Variants in SAMD4A observed in about 807,000 individuals in gnomAD.
The protein encoded by SAMD4A is protein Smaug homolog 1.
A neutral mutation model predicts 81.3 loss-of-function variants in SAMD4A; 33 were observed. That is an observed-to-expected ratio of 0.41 (90% CI 0.31 to 0.54). The LOEUF (loss-of-function observed/expected upper bound fraction) is 0.54. Ranked by LOEUF, SAMD4A falls within the 20% of genes least tolerant of loss-of-function variation. The pLI is 0.37. For missense variants in SAMD4A, 854 were observed against 951.1 expected (o/e 0.90, Z 1.34); for synonymous variants, 389 against 382.1 (o/e 1.02, Z -0.21).
intron 3 of SAMD4A, among the ~76,000 whole-genome samples, chr14:54,712,504 C>T (rs758777127): frequency 1.3e-5 from 2 of 152,178 alleles, no homozygotes; most frequent in Non-Finnish European, 1.5e-5. Context: ...CTAATACATA[C>T]TACATTGTAA....
chr14:54,697,992 G>A (rs2036618071), intron 2 of SAMD4A, among the ~76,000 whole-genome samples: 1 of 152,140 alleles, frequency 6.6e-6, no homozygotes, highest in African/African-American at 2.4e-5. Flanking sequence ...AGCAAGGGGA[G>A]GCCATAATGC....
intron 2 of SAMD4A, among the ~76,000 whole-genome samples, chr14:54,668,392 T>G (rs1276959023): frequency 1.3e-5 from 2 of 152,184 alleles, no homozygotes; most frequent in Non-Finnish European, 2.9e-5. Flanking sequence ...TCAGATGGCA[T>G]GATATGTGAG....
At chr14:54,711,474 G>C (rs779374438) in intron 3 of SAMD4A, among the ~76,000 whole-genome samples, 1 of 152,180 alleles carries the variant, frequency 6.6e-6, no homozygotes, top group Non-Finnish European at 1.5e-5. Flanking sequence ...TTAATGTCAA[G>C]CTTCTGATTT....
intron 12 of SAMD4A, among the ~76,000 whole-genome samples, chr14:54,786,639 A>C (rs1037706306): frequency 6.6e-6 from 1 of 152,178 alleles, no homozygotes; most frequent in Non-Finnish European, 1.5e-5. Flanking sequence ...TTTTGACCAA[A>C]GAAAAAGGAG....
intron 2 of SAMD4A, among the ~76,000 whole-genome samples, chr14:54,637,758 C>T (rs1424487165): frequency 6.6e-6 from 1 of 152,206 alleles, no homozygotes; most frequent in Non-Finnish European, 1.5e-5. Flanking sequence ...CAGTGATGTA[C>T]CTCTGACCCT....
At chr14:54,663,949 T>C (rs998433800) in intron 2 of SAMD4A, among the ~76,000 whole-genome samples, 5 of 152,246 alleles carry the variant, frequency 3.3e-5, no homozygotes, top group Non-Finnish European at 7.3e-5. Flanking sequence ...GTTGTACTTA[T>C]TCTAAGACAT....
At position 54,670,896 on chromosome 14, in the gene SAMD4A, G is replaced by A. The variant is rs377337314; in HGVS notation, c.197-31166G>A. ...TAAATATAAACATTGCAGCCACATA[G>A]AGATGAACACAAAGAAGGAAGTGTT... is the stretch of plus-strand genomic sequence containing the variant. On this transcript the variant is annotated intron_variant, in intron 2 of 12. Coordinates refer to ENST00000554335, the MANE Select transcript of SAMD4A (RefSeq NM_015589.6). 8.5e-5 allele frequency among the ~76,000 whole-genome samples: 13 copies of A among 152,260 alleles called. No homozygotes were observed. In the South Asian group the frequency reaches 1.9e-3, roughly 22 times the overall value.
intron 11 of SAMD4A, among the ~76,000 whole-genome samples, chr14:54,779,967 G>T (rs906885808): frequency 1.3e-5 from 2 of 152,172 alleles, no homozygotes; most frequent in Non-Finnish European, 2.9e-5. Context: ...AAATTGCTTG[G>T]AGAGGGATCC....
intron 2 of SAMD4A, among the ~76,000 whole-genome samples, chr14:54,651,134 G>A (rs957955329): frequency 3.3e-5 from 5 of 152,130 alleles, no homozygotes; most frequent in African/African-American, 1.2e-4. Context: ...GTGTCAGGAG[G>A]AGCTCAGATG....
rs756912553 is a variant in SAMD4A, at chr14:54,737,100, G to C, written c.792G>C (p.Gln264His). 23 of 1,613,900 alleles carry C rather than the reference G, an allele frequency of 1.4e-5. No homozygotes were observed. The highest frequency in any genetic ancestry group is 3.3e-5 in the South Asian group (3 of 91,076). ...CCCCACCCATGAATGTGCCAAACCA[G>C]CCTCTAGGACATGGATGGATGTCTC... Reference protein sequence around the residue: ...SLTPPMNVPNQPLGHGWMSHE... With the variant: ...SLTPPMNVPNHPLGHGWMSHE... Residue 264 changes from glutamine to histidine, a missense_variant, in exon 4 of 13, where the codon CAG becomes CAC. Transcript: ENST00000554335.
chr14:54,730,688 C>T (rs1256274235), intron 3 of SAMD4A, among the ~76,000 whole-genome samples: 1 of 152,146 alleles, frequency 6.6e-6, no homozygotes. Context: ...TATTTTTAAC[C>T]TTAGTGATTA....
chr14:54,736,801 G>A (rs904132265), intron 3 of SAMD4A, among the ~76,000 whole-genome samples: 30 of 152,156 alleles, frequency 2.0e-4, no homozygotes, highest in Non-Finnish European at 4.4e-4. Context: ...CTATAGGTTT[G>A]GCCTCCTTGG....
In SAMD4A at chr14:54,681,872, CT is replaced by C. The variant is rs1196665490; in HGVS notation, c.197-20189del. 6.1e-6 allele frequency: 6 copies of C among 985,280 alleles called. No individual in the cohort carries two copies. The African/African-American group carries it at 8.7e-5, about 14-fold the overall frequency. 61.0% of individuals were successfully genotyped at this position (985,280 alleles called of 1,614,324 possible). A position where few individuals can be genotyped will look rare whatever the true frequency, so the allele number is the denominator to read the frequency against. ...CCAAAAGATAAGCGGTTTAAGTAAG[CT>C]GTGACAGACCACTGCTCTGGAGGAT... On this transcript the variant is annotated intron_variant, in intron 2 of 12. Coordinates refer to ENST00000554335, the MANE Select transcript of SAMD4A (RefSeq NM_015589.6).
intron 9 of SAMD4A, among the ~76,000 whole-genome samples, chr14:54,773,766 C>T (rs531265883): frequency 1.3e-5 from 2 of 152,382 alleles, no homozygotes; most frequent in East Asian, 3.9e-4. Context: ...TTATATCCCT[C>T]GCCCCACAGG....
At chr14:54,781,801 C>T (rs965917472) in intron 11 of SAMD4A, among the ~76,000 whole-genome samples, 3 of 152,242 alleles carry the variant, frequency 2.0e-5, no homozygotes, top group Non-Finnish European at 1.5e-5. Flanking sequence ...TAGCCCCATA[C>T]AGCTGAGGGT....
At chr14:54,753,410 C>T (rs2038160977) in intron 6 of SAMD4A, among the ~76,000 whole-genome samples, 1 of 152,234 alleles carries the variant, frequency 6.6e-6, no homozygotes, top group Non-Finnish European at 1.5e-5. Flanking sequence ...GCCCTAGATC[C>T]CTTAAACCTT....
At chr14:54,640,026 A>T (rs562153184) in intron 2 of SAMD4A, among the ~76,000 whole-genome samples, 4 of 55,756 alleles carry the variant, frequency 7.2e-5, no homozygotes, top group Admixed American at 2.8e-4. Flanking sequence ...TATGTTTGAT[A>T]AAAAAAAAAA....
At position 54,760,262 on chromosome 14, in the gene SAMD4A, G is replaced by A. The variant is rs1211035369; in HGVS notation, c.1278G>A (p.Glu426=). Residue 426 remains glutamate, a synonymous_variant, in exon 7 of 13, where the codon GAG becomes GAA. Transcript: ENST00000554335. ...KAYSSPSTTP[E]ARRREPQAPR... ...ACAGCTCCCCGAGCACCACCCCCGA[G>A]GCTCGCCGCCGGGAGCCCCAGGCCC... 2 of 1,612,758 alleles carry A rather than the reference G, an allele frequency of 1.2e-6. No homozygotes were observed. The highest frequency in any genetic ancestry group is 1.7e-6 in the Non-Finnish European group (2 of 1,179,882).
chr14:54,581,847 A>T (rs1375273193), intron 2 of SAMD4A, among the ~76,000 whole-genome samples: 1 of 152,262 alleles, frequency 6.6e-6, no homozygotes, highest in Non-Finnish European at 1.5e-5. Context: ...TATTTTTGGT[A>T]TACCTCAGCT....
Sources: gnomAD v4.1 joint callset for allele counts (sites outside exome capture counted in the v4.1 genomes callset) on GRCh38, gnomAD v4.1.1 for gene constraint, MANE v1.5 for transcripts, NCBI Gene and HGNC (gene_info 2026-07-23, HGNC 2026-07-21) for gene names.